MAP3K13: variants seen among roughly 807,000 people sequenced by gnomAD.
The protein encoded by MAP3K13 is mitogen-activated protein kinase kinase kinase 13.
In MAP3K13, 52 loss-of-function variants were observed where a neutral mutation model predicts 104.0. That is an observed-to-expected ratio of 0.50 (90% CI 0.40 to 0.63). The LOEUF is 0.63. MAP3K13 is among the 20% of genes least tolerant of loss of function. The pLI, the probability that MAP3K13 is intolerant of heterozygous loss-of-function variation, is 0.00. For missense variants in MAP3K13, 914 were observed against 1,218.5 expected (o/e 0.75, Z 3.72); for synonymous variants, 394 against 442.2 (o/e 0.89, Z 1.37).
At chr3:185,307,973 T>C (rs995356383) in intron 2 of MAP3K13, among the ~76,000 whole-genome samples, 2 of 151,746 alleles carry the variant, frequency 1.3e-5, no homozygotes, top group African/African-American at 4.8e-5. Context: ...TTGAGTTCTT[T>C]GTCTGGTGAT....
At chr3:185,424,985 T>C (rs1470037181) in intron 1 of MAP3K13, among the ~76,000 whole-genome samples, 1 of 152,232 alleles carries the variant, frequency 6.6e-6, no homozygotes, top group Admixed American at 6.5e-5. Flanking sequence ...TATGCCACCA[T>C]GCTTAGCTAA....
intron 2 of MAP3K13, among the ~76,000 whole-genome samples, chr3:185,342,190 C>A (rs56392921): frequency 0.084 from 12,848 of 152,144 alleles, 725 homozygotes; most frequent in East Asian, 0.2. Context: ...ATGAGAGACC[C>A]TGAGCCAGAA....
chr3:185,345,453 C>A (rs188124258), intron 2 of MAP3K13, among the ~76,000 whole-genome samples: 1 of 152,320 alleles, frequency 6.6e-6, no homozygotes, highest in East Asian at 1.9e-4. Flanking sequence ...GACTGCACAG[C>A]AGATGAGCAG....
intron 2 of MAP3K13, chr3:185,329,130 T>A (rs74908542): frequency 1.5e-6 from 1 of 665,374 alleles, no homozygotes; most frequent in Non-Finnish European, 2.7e-6. Flanking sequence ...TATTTTTTTT[T>A]AATGGAAAAG....
At chr3:185,291,454 T>A (rs1184640021) in intron 2 of MAP3K13, among the ~76,000 whole-genome samples, 1 of 152,152 alleles carries the variant, frequency 6.6e-6, no homozygotes, top group African/African-American at 2.4e-5. Context: ...TTCAAAAAAA[T>A]TTTTTTCCTT....
intron 7 of MAP3K13, among the ~76,000 whole-genome samples, chr3:185,454,208 A>G: frequency 3.4e-5 from 1 of 29,418 alleles, no homozygotes; most frequent in Admixed American, 5.2e-4. Flanking sequence ...TATGATACAT[A>G]TATATGAGAT....
chr3:185,384,153 G>A (rs551141041), intron 1 of MAP3K13, among the ~76,000 whole-genome samples: 1 of 152,108 alleles, frequency 6.6e-6, no homozygotes, highest in South Asian at 2.1e-4. Flanking sequence ...ACCTCCATGA[G>A]GTCAACTTTT....
intron 4 of MAP3K13, among the ~76,000 whole-genome samples, chr3:185,444,271 G>A (rs951939535): frequency 3.3e-5 from 5 of 152,094 alleles, no homozygotes; most frequent in Non-Finnish European, 7.4e-5. Context: ...AGGAGGAGGA[G>A]GTTGCAGTGA....
At position 185,418,065 on chromosome 3, in the gene MAP3K13, C is replaced by G. The variant is rs1713893434; in HGVS notation, c.-85-10432C>G. On this transcript the variant is annotated intron_variant, in intron 1 of 13. Transcript: ENST00000265026. This position sits in a 1 kb window ranked among gnomAD's most constrained non-coding sequence, Gnocchi z 4.5. ...CCACATGCCCACCAGGAGCAAGCTTCAAAATGTTCAGCTTGCTTACATTAA... is the reference window on the plus strand; with the variant it reads ...CCACATGCCCACCAGGAGCAAGCTTGAAAATGTTCAGCTTGCTTACATTAA... The G allele has an allele frequency of 1.2e-6, 2 of 1,611,890 alleles. No individual in the cohort carries two copies. The highest frequency in any genetic ancestry group is 1.1e-5 in the South Asian group (1 of 90,984).
chr3:185,405,837 A>G (rs1713084522), intron 1 of MAP3K13, among the ~76,000 whole-genome samples: 1 of 152,248 alleles, frequency 6.6e-6, no homozygotes, highest in South Asian at 2.1e-4. Flanking sequence ...GGGTAGGACT[A>G]TCTGACCGGG....
intron 2 of MAP3K13, among the ~76,000 whole-genome samples, chr3:185,287,908 A>G (rs1720585004): frequency 6.6e-6 from 1 of 152,162 alleles, no homozygotes; most frequent in African/African-American, 2.4e-5. Flanking sequence ...ATGGTGGCAC[A>G]TGCCTGTAAT....
Position 185,451,047 on chromosome 3 carries a change from G to A in MAP3K13, c.1170-240G>A, listed in dbSNP as rs906058336. 5.3e-5 allele frequency among the ~76,000 whole-genome samples: 8 copies of A among 152,194 alleles called. No individual in the cohort carries two copies. The South Asian group carries it at 1.0e-3, about 20-fold the overall frequency. ...GGAGCTTGCAGTGAGCTGAGATTGC[G>A]CCACTGCACTCCAGCCTGAGTGACA... On this transcript the variant is annotated intron_variant, in intron 6 of 13. Coordinates refer to ENST00000265026, the MANE Select transcript of MAP3K13 (RefSeq NM_004721.5).
chr3:185,397,890 A>T (rs1291350107), intron 1 of MAP3K13, among the ~76,000 whole-genome samples: 1 of 152,068 alleles, frequency 6.6e-6, no homozygotes, highest in East Asian at 1.9e-4. Context: ...GAGCCTGCCC[A>T]TATGCCAGTA....
intron 7 of MAP3K13, among the ~76,000 whole-genome samples, chr3:185,461,405 T>C (rs549418557): frequency 1.0e-3 from 152 of 152,296 alleles, no homozygotes; most frequent in Admixed American, 3.3e-3. Flanking sequence ...TAAAATATAA[T>C]TTCCTCTATA....
At chr3:185,317,302 G>A (rs1263385455) in intron 2 of MAP3K13, among the ~76,000 whole-genome samples, 2 of 152,148 alleles carry the variant, frequency 1.3e-5, no homozygotes, top group African/African-American at 4.8e-5. Flanking sequence ...GGCCAGGTCG[G>A]GGAAATATTT....
At chr3:185,350,232 C>G (rs1290869876) in intron 2 of MAP3K13, among the ~76,000 whole-genome samples, 1 of 152,220 alleles carries the variant, frequency 6.6e-6, no homozygotes, top group African/African-American at 2.4e-5. Context: ...GTTGCCCAGG[C>G]TGGAGTGCAG....
intron 1 of MAP3K13, among the ~76,000 whole-genome samples, chr3:185,283,334 T>TG (rs982906442): frequency 1.3e-5 from 2 of 152,066 alleles, no homozygotes; most frequent in African/African-American, 4.8e-5. Context: ...AGACGGAGCC[T>TG]GGGGCACTGA....
intron 1 of MAP3K13, among the ~76,000 whole-genome samples, chr3:185,424,709 A>G (rs1342201378): frequency 2.6e-5 from 4 of 152,260 alleles, no homozygotes; most frequent in Non-Finnish European, 5.9e-5. Flanking sequence ...TTATGTAAAC[A>G]GCCTTCTGTA....
At chr3:185,325,485 CCGTCA>C in intron 2 of MAP3K13, among the ~76,000 whole-genome samples, 1 of 152,310 alleles carries the variant, frequency 6.6e-6, no homozygotes, top group South Asian at 2.1e-4. Flanking sequence ...GAACTTGCAG[CCGTCA>C]CGTGTGTCGC....
Sources: allele counts gnomAD v4.1 joint callset (sites outside exome capture counted in the v4.1 genomes callset), GRCh38; gene constraint gnomAD v4.1.1; non-coding constraint Gnocchi (gnomAD v3.1); transcripts MANE v1.5; gene names NCBI Gene and HGNC (gene_info 2026-07-23, HGNC 2026-07-21).